Variants in PTPRJ observed in about 807,000 individuals in gnomAD.
PTPRJ encodes receptor-type tyrosine-protein phosphatase eta.
Under a neutral mutation model 141.3 loss-of-function variants are expected in PTPRJ, and 129 were observed. That is an observed-to-expected ratio of 0.91 (90% CI 0.79 to 1.06). PTPRJ has a LOEUF of 1.06. PTPRJ is among the 50% of genes least tolerant of loss of function. The probability of loss-of-function intolerance (pLI) is 0.00; values close to 1 mark genes in which losing one functional copy is unlikely to be tolerated. For missense variants in PTPRJ, 1,601 were observed against 1,679.7 expected, an observed-to-expected ratio of 0.95 and a Z score of 0.82; for synonymous variants, 610 against 640.5, an observed-to-expected ratio of 0.95 and a Z score of 0.72.
chr11:48,107,560 G>T (rs1856326310), intron 1 of PTPRJ, among the ~76,000 whole-genome samples: 1 of 152,280 alleles, frequency 6.6e-6, no homozygotes, highest in South Asian at 2.1e-4. Context: ...TCGTGAGCTT[G>T]ATCTCTTTTC....
intron 24 of PTPRJ, among the ~76,000 whole-genome samples, chr11:48,166,728 C>A (rs1200025673): frequency 1.3e-5 from 2 of 152,110 alleles, no homozygotes; most frequent in African/African-American, 2.4e-5. Context: ...TCATCACTAT[C>A]CACAGATTCT....
intron 1 of PTPRJ, among the ~76,000 whole-genome samples, chr11:48,018,753 A>G (rs1045292564): frequency 2.6e-5 from 4 of 152,070 alleles, no homozygotes; most frequent in African/African-American, 9.7e-5. Context: ...GTTAGACTTG[A>G]TGAGCTTTGG....
intron 2 of PTPRJ, among the ~76,000 whole-genome samples, chr11:48,110,518 AG>A (rs1475736052): frequency 6.6e-6 from 1 of 152,234 alleles, no homozygotes; most frequent in African/African-American, 2.4e-5. Flanking sequence ...CTTTAGAAGT[AG>A]GAGTGAGGGT....
intron 1 of PTPRJ, among the ~76,000 whole-genome samples, chr11:47,999,828 A>G (rs567870628): frequency 9.4e-5 from 14 of 149,286 alleles, no homozygotes; most frequent in African/African-American, 3.5e-4. Context: ...TGCCACCCAT[A>G]TGCTAGTCTC....
At chr11:48,110,235 C>T (rs59816160) in intron 2 of PTPRJ, among the ~76,000 whole-genome samples, 159 bp downstream of exon 2, 3,151 of 152,158 alleles carry the variant, frequency 0.021, 109 homozygotes, top group African/African-American at 0.072. Context: ...GAGTTGGAGC[C>T]TCGCTCTGTA....
intron 12 of PTPRJ, among the ~76,000 whole-genome samples, chr11:48,144,089 G>T (rs1306326953): frequency 6.6e-6 from 1 of 152,082 alleles, no homozygotes; most frequent in Non-Finnish European, 1.5e-5. Flanking sequence ...CTGTGGTGCT[G>T]TCCTCATGTC....
intron 1 of PTPRJ, among the ~76,000 whole-genome samples, chr11:48,098,384 C>T (rs967244222): frequency 2.0e-5 from 3 of 152,210 alleles, no homozygotes; most frequent in Non-Finnish European, 4.4e-5. Context: ...CCGAGGCTCA[C>T]AGAGTGGGCC....
intron 1 of PTPRJ, among the ~76,000 whole-genome samples, chr11:48,065,004 CTTTTT>C (rs61139660): frequency 7.7e-5 from 9 of 117,194 alleles, no homozygotes; most frequent in East Asian, 4.5e-4. Context: ...CCTCAACTAC[CTTTTT>C]TTTTTTTTTT....
In PTPRJ at chr11:48,123,614, G is replaced by A. The variant is rs2270993; in HGVS notation, c.618G>A (p.Glu206=). The A allele has an allele frequency of 0.14, 225,215 of 1,611,380 alleles. 16,856 individuals are homozygous for A. Among genetic ancestry groups the A allele is most frequent in the African/African-American group, 0.24 (18,001 of 74,790 alleles). Residue 206 remains glutamate (E), a splice_region_variant and synonymous_variant, in exon 5 of 25, where the codon GAG becomes GAA. Coordinates refer to ENST00000418331, the MANE Select transcript of PTPRJ (RefSeq NM_002843.4). The part of the protein sequence containing the change: ...GDPRVIKVIT[E]PIPVSDLRVA... ...ATGCATGTTGTATTTTTAAAATAGAGCCGATCCCAGTTTCTGATCTCCGTG... is the reference window on the plus strand; with the variant it reads ...ATGCATGTTGTATTTTTAAAATAGAACCGATCCCAGTTTCTGATCTCCGTG...
At chr11:48,000,834 C>A (rs1297323006) in intron 1 of PTPRJ, among the ~76,000 whole-genome samples, 1 of 152,030 alleles carries the variant, frequency 6.6e-6, no homozygotes, top group African/African-American at 2.4e-5. Flanking sequence ...GGAGTGGGAC[C>A]CCCTATGTCT....
At chr11:48,039,003 A>G (rs1854201115) in intron 1 of PTPRJ, among the ~76,000 whole-genome samples, 1 of 151,490 alleles carries the variant, frequency 6.6e-6, no homozygotes, top group South Asian at 2.1e-4. Flanking sequence ...TACAAAAATT[A>G]GCTGGGTGTG....
intron 1 of PTPRJ, among the ~76,000 whole-genome samples, chr11:48,104,275 GC>G (rs1300266321): frequency 6.6e-6 from 1 of 152,162 alleles, no homozygotes; most frequent in African/African-American, 2.4e-5. Context: ...GGCCCACCCA[GC>G]CTGTCATTTT....
chr11:48,002,353 G>T (rs1298793916), intron 1 of PTPRJ, among the ~76,000 whole-genome samples: 1 of 151,956 alleles, frequency 6.6e-6, no homozygotes, highest in Non-Finnish European at 1.5e-5. Context: ...GGCCAGGATG[G>T]TCTGGAACTC....
intron 1 of PTPRJ, among the ~76,000 whole-genome samples, chr11:47,982,805 T>C (rs996317966): frequency 2.0e-5 from 3 of 152,138 alleles, no homozygotes; most frequent in South Asian, 2.1e-4. Context: ...TTGTATTTCA[T>C]TAGCATATTG....
intron 1 of PTPRJ, among the ~76,000 whole-genome samples, chr11:48,102,616 T>C (rs1008353157): frequency 2.0e-5 from 3 of 152,042 alleles, no homozygotes; most frequent in African/African-American, 7.2e-5. Context: ...TTCACCATGT[T>C]ACAGGCCAGG....
intron 1 of PTPRJ, among the ~76,000 whole-genome samples, chr11:48,104,411 C>T (rs1856236421): frequency 6.6e-6 from 1 of 152,208 alleles, no homozygotes; most frequent in Non-Finnish European, 1.5e-5. Context: ...CTCCAAATCC[C>T]ATAAACTGCT....
chr11:48,160,868 A>G (rs1857753489), intron 22 of PTPRJ, among the ~76,000 whole-genome samples: 1 of 152,148 alleles, frequency 6.6e-6, no homozygotes. Flanking sequence ...TCGTCTGCTT[A>G]TAATATCATT....
chr11:48,063,836 GC>G (rs1254546996), intron 1 of PTPRJ, among the ~76,000 whole-genome samples: 1 of 151,944 alleles, frequency 6.6e-6, no homozygotes, highest in Non-Finnish European at 1.5e-5. Flanking sequence ...GAACTTTTTC[GC>G]CCTTCTGTTT....
chr11:48,053,182 T>TATATAAAA (rs1565278279), intron 1 of PTPRJ, among the ~76,000 whole-genome samples: 11 of 103,688 alleles, frequency 1.1e-4, no homozygotes, highest in African/African-American at 4.3e-4. Flanking sequence ...AATATATAAA[T>TATATAAAA]ATATATAAAA....
Sources: allele counts gnomAD v4.1 joint callset (sites outside exome capture counted in the v4.1 genomes callset), GRCh38; gene constraint gnomAD v4.1.1; transcripts MANE v1.5; gene names NCBI Gene and HGNC (gene_info 2026-07-23, HGNC 2026-07-21).